The following PRPF4 variants were observed in gnomAD, a reference collection of about 807,000 sequenced individuals.
PRPF4 encodes the protein pre-mRNA splicing tri-snRNP complex factor PRPF4, also known as U4/U6 small nuclear ribonucleoprotein Prp4.
In PRPF4, 14 loss-of-function variants were observed where a neutral mutation model predicts 72.2. That is an observed-to-expected ratio of 0.19 (90% CI 0.13 to 0.30). PRPF4 has a LOEUF of 0.30. Ranked by LOEUF, PRPF4 falls within the 10% of genes least tolerant of loss-of-function variation. The pLI, the probability that PRPF4 is intolerant of heterozygous loss-of-function variation, is 1.00. For synonymous variants in PRPF4, 225 were observed against 232.2 expected, an observed-to-expected ratio of 0.97 and a Z score of 0.28; for missense variants, 478 against 653.9, an observed-to-expected ratio of 0.73 and a Z score of 2.93.
At chr9:113,286,977 G>A (rs892339114) in intron 9 of PRPF4, 149 bp downstream of exon 9, 15 of 1,158,904 alleles carry the variant, frequency 1.3e-5, no homozygotes, top group Non-Finnish European at 1.6e-5. Context: ...GCTTAAACCC[G>A]GGAAATGGAG....
At position 113,283,457 on chromosome 9, in the gene PRPF4, T is replaced by A; in HGVS notation, c.629T>A (p.Met210Lys). The change falls in exon 6 of 14, where the codon ATG becomes AAG. Residue 210 changes from methionine to lysine, a missense_variant. By Grantham distance (95) the Met-to-Lys change is moderately conservative. Transcript: ENST00000374198. ...EIPETTRTSQ[M>K]QELHKSLRSL... is the part of the protein sequence containing the mutation. ...CCTGAGACAACAAGGACCTCCCAGA[T>A]GCAAGAGCTGCACAAGTCTCTCCGG... 6.2e-7 allele frequency: 1 copy of A among 1,614,122 alleles called. No individual in the cohort carries two copies. The highest frequency in any genetic ancestry group is 8.5e-7 in the Non-Finnish European group (1 of 1,180,002).
rs377236468 is a variant in PRPF4 at position 113,291,564 on chromosome 9, C to T, written c.1470C>T (p.His490=). The change falls in exon 14 of 14, where the codon CAC becomes CAT. Residue 490 remains histidine (H), a synonymous_variant. Coordinates refer to ENST00000374198, the MANE Select transcript of PRPF4 (RefSeq NM_001244926.2). ...GWSPLKTLAG[H]EGKVMGLDIS... ...CCCCGCTGAAGACTCTGGCTGGCCA[C>T]GAAGGCAAAGTGATGGGCCTAGATA... is the stretch of plus-strand genomic sequence containing the variant. The T allele has an allele frequency of 3.0e-5, 48 of 1,613,984 alleles. No individual in the cohort carries two copies. The East Asian group carries it at 8.9e-4, about 30-fold the overall frequency.
intron 6 of PRPF4, among the ~76,000 whole-genome samples, chr9:113,283,941 G>A (rs1832357746): frequency 6.6e-6 from 1 of 151,884 alleles, no homozygotes; most frequent in Non-Finnish European, 1.5e-5. Context: ...GATAGCATGT[G>A]CCTATAATCC....
At chr9:113,281,615 C>G (rs1030528193) in intron 3 of PRPF4, among the ~76,000 whole-genome samples, 16 of 152,154 alleles carry the variant, frequency 1.1e-4, no homozygotes, top group Admixed American at 1.3e-4. Context: ...CTTCACCAGT[C>G]CTCTTCTATG....
At chr9:113,280,858 T>G (rs1246299588) in intron 3 of PRPF4, among the ~76,000 whole-genome samples, 1 of 152,160 alleles carries the variant, frequency 6.6e-6, no homozygotes, top group Non-Finnish European at 1.5e-5. Flanking sequence ...TTTTTTTCTT[T>G]GAAACGGAGT....
intron 9 of PRPF4, 85 bp downstream of exon 9, chr9:113,286,913 T>C: frequency 6.2e-7 from 1 of 1,600,716 alleles, no homozygotes; most frequent in Non-Finnish European, 8.5e-7. Flanking sequence ...AGTAAAAATC[T>C]GGCATTTAGG....
At chr9:113,280,814 CTGTCT>C (rs905296087) in intron 3 of PRPF4, among the ~76,000 whole-genome samples, 1 of 152,116 alleles carries the variant, frequency 6.6e-6, no homozygotes, top group Admixed American at 6.5e-5. Context: ...TTTTATTCTT[CTGTCT>C]TGTCTTTTAG....
At chr9:113,289,466 C>G (rs1326220402) in intron 10 of PRPF4, among the ~76,000 whole-genome samples, 1 of 152,182 alleles carries the variant, frequency 6.6e-6, no homozygotes, top group East Asian at 1.9e-4. Context: ...ACTTCACATC[C>G]CTGTTAACAT....
chr9:113,286,284 C>G lies in PRPF4; in HGVS notation c.802C>G (p.Leu268Val). The G allele has an allele frequency of 6.2e-7, 1 of 1,610,950 alleles. No homozygotes were observed. The highest frequency in any genetic ancestry group is 8.5e-7 in the Non-Finnish European group (1 of 1,177,090). ...SVPDCNLLHT[L>V]RGHNTNVGAI... The stretch of plus-strand genomic sequence containing the variant: ...TCCTGATTGCAACCTCCTTCACACT[C>G]TTCGAGGTAAGTTAGAGTCTTATCC... The change falls in exon 8 of 14, where the codon CTT becomes GTT. Residue 268 changes from leucine (L) to valine (V), a missense_variant. Transcript: ENST00000374198.
chr9:113,288,499 C>T (rs568108697), intron 10 of PRPF4, among the ~76,000 whole-genome samples: 3 of 151,246 alleles, frequency 2.0e-5, no homozygotes, highest in East Asian at 1.9e-4. Flanking sequence ...TGCAGTGGCG[C>T]GATCTCGGCT....
intron 2 of PRPF4, among the ~76,000 whole-genome samples, chr9:113,278,187 T>C (rs758078722): frequency 6.6e-6 from 1 of 152,236 alleles, no homozygotes; most frequent in East Asian, 1.9e-4. Context: ...AGGATATCTT[T>C]CCATGTCAGT....
At chr9:113,282,409 C>A (rs1373003848) in intron 3 of PRPF4, among the ~76,000 whole-genome samples, 1 of 151,906 alleles carries the variant, frequency 6.6e-6, no homozygotes, top group Non-Finnish European at 1.5e-5. Context: ...GAGGTTGAGG[C>A]TGCAGTGACC....
chr9:113,285,526 C>G (rs1031092473), intron 7 of PRPF4, among the ~76,000 whole-genome samples: 6 of 150,426 alleles, frequency 4.0e-5, no homozygotes, highest in Non-Finnish European at 8.9e-5. Context: ...CTACAGGCAC[C>G]CGCCACCGCA....
chr9:113,282,639 TTA>T lies in PRPF4; in HGVS notation c.393-6_393-5del. 1 of 1,571,314 alleles carries T rather than the reference TTA, an allele frequency of 6.4e-7. No individual in the cohort carries two copies. Among genetic ancestry groups the T allele is most frequent in the Non-Finnish European group, 8.6e-7 (1 of 1,159,088 alleles). ...TAAATTCTGATCTTTTTTTTTTTTT[TTA>T]ACAGGTTAAGAAATATCCTCTCAGT... On this transcript the variant is annotated splice_region_variant and splice_polypyrimidine_tract_variant and intron_variant, in intron 3 of 13. Transcript: ENST00000374198.
In PRPF4 at chr9:113,291,528, C is replaced by T; in HGVS notation, c.1434C>T (p.His478=). The T allele has an allele frequency of 2.5e-6, 4 of 1,614,124 alleles. No homozygotes were observed. Among genetic ancestry groups the T allele is most frequent in the Non-Finnish European group, 3.4e-6 (4 of 1,180,002 alleles). The stretch of plus-strand genomic sequence containing the variant: ...ATAACACAGCCAAGATCTGGACGCA[C>T]CCAGGCTGGTCCCCGCTGAAGACTC... ...AYDNTAKIWT[H]PGWSPLKTLA... The change falls in exon 14 of 14, where the codon CAC becomes CAT. Residue 478 remains histidine (H), a synonymous_variant. Coordinates refer to ENST00000374198, the MANE Select transcript of PRPF4 (RefSeq NM_001244926.2).
intron 1 of PRPF4, among the ~76,000 whole-genome samples, chr9:113,276,321 C>T (rs973342572): frequency 8.5e-5 from 13 of 152,160 alleles, no homozygotes; most frequent in African/African-American, 1.2e-4. Flanking sequence ...CCCGAGAGAA[C>T]CTCACTAGTT....
chr9:113,286,181 T>C, intron 7 of PRPF4, 51 bp from the exon 8 acceptor site: 1 of 1,604,166 alleles, frequency 6.2e-7, no homozygotes, highest in Non-Finnish European at 8.5e-7. Context: ...CAAGGTACCT[T>C]TTCCTTCCCA....
chr9:113,290,816 AACAC>A lies in PRPF4; in HGVS notation c.1253+12_1253+15del, dbSNP rs1832587590. 1.9e-6 allele frequency: 3 copies of A among 1,613,876 alleles called. No homozygotes were observed. The South Asian group carries it at 3.3e-5, about 18-fold the overall frequency. ...AATTTCTCCCCCAATGGGTAAAATA[AACAC>A]ACTGAATGAGGGGCGAAAAAGGGTT... On this transcript the variant is annotated intron_variant, in intron 12 of 13. Transcript: ENST00000374198.
chr9:113,279,210 T>C, intron 3 of PRPF4, 79 bp downstream of exon 3: 1 of 1,226,980 alleles, frequency 8.2e-7, no homozygotes, highest in Non-Finnish European at 1.1e-6. Context: ...ATCATTTAGT[T>C]GAACTTTAAT....
Sources: allele counts gnomAD v4.1 joint callset (sites outside exome capture counted in the v4.1 genomes callset), GRCh38; gene constraint gnomAD v4.1.1; transcripts MANE v1.5; gene names NCBI Gene and HGNC (gene_info 2026-07-23, HGNC 2026-07-21).